The following AMN1 variants were observed in gnomAD, a reference collection of about 807,000 sequenced individuals.
AMN1 encodes the protein protein AMN1 homolog.
A neutral mutation model predicts 33.0 loss-of-function variants in AMN1; 20 were observed. The ratio of observed to expected loss-of-function variants is 0.61; its 90% confidence interval spans 0.43 to 0.88. The LOEUF (loss-of-function observed/expected upper bound fraction) is 0.88, where lower values mean the gene tolerates loss of function less well. Among genes scored for constraint, AMN1 ranks in the 40% least tolerant of loss-of-function variants. The probability of loss-of-function intolerance (pLI) is 0.00; values close to 1 mark genes in which losing one functional copy is unlikely to be tolerated. For missense variants in AMN1, 246 were observed against 307.4 expected, an observed-to-expected ratio of 0.80 and a Z score of 1.49; for synonymous variants, 114 against 111.9, an observed-to-expected ratio of 1.02 and a Z score of -0.12.
At chr12:31,701,730 T>G (rs1208710011) in intron 3 of AMN1, 133 bp downstream of exon 3, 1 of 793,076 alleles carries the variant, frequency 1.3e-6, no homozygotes, top group Non-Finnish European at 1.8e-6. Context: ...GTCTGAATGT[T>G]TTTACTGATA....
At chr12:31,702,087 G>A in intron 2 of AMN1, 80 bp from the exon 3 acceptor site, 2 of 1,268,150 alleles carry the variant, frequency 1.6e-6, no homozygotes, top group Non-Finnish European at 2.1e-6. Flanking sequence ...TGTTTTGGTG[G>A]TCATAACAGA....
chr12:31,680,349 C>T (rs950535784), intron 6 of AMN1, among the ~76,000 whole-genome samples: 1 of 151,690 alleles, frequency 6.6e-6, no homozygotes, highest in African/African-American at 2.4e-5. Flanking sequence ...TATAGGCACC[C>T]GTCACCACGC....
At chr12:31,676,913 T>C (rs891535535) in intron 6 of AMN1, among the ~76,000 whole-genome samples, 1 of 151,812 alleles carries the variant, frequency 6.6e-6, no homozygotes, top group Non-Finnish European at 1.5e-5. Context: ...TGGGTTTAAA[T>C]AAGAATATTC....
intron 1 of AMN1, among the ~76,000 whole-genome samples, chr12:31,716,552 T>C (rs1383663290): frequency 6.6e-6 from 1 of 152,212 alleles, no homozygotes; most frequent in Non-Finnish European, 1.5e-5. Flanking sequence ...AGTGGGTATA[T>C]AATAGCAATG....
chr12:31,718,590 GT>G (rs765161809), intron 1 of AMN1, among the ~76,000 whole-genome samples: 5 of 152,152 alleles, frequency 3.3e-5, no homozygotes, highest in African/African-American at 1.2e-4. Context: ...TATGGATGGG[GT>G]TTTGGTGTGG....
Position 31,689,074 on chromosome 12 carries a change from G to A in AMN1, c.636C>T (p.Val212=), listed in dbSNP as rs761585093. 6.2e-6 allele frequency: 10 copies of A among 1,613,336 alleles called. No homozygotes were observed. The highest frequency in any genetic ancestry group is 2.2e-5 in the East Asian group (1 of 44,860). Residue 212 remains valine (V), a synonymous_variant, in exon 6 of 7, where the codon GTC becomes GTT. Coordinates refer to ENST00000281471, the MANE Select transcript of AMN1 (RefSeq NM_001113402.2). ...GHCVNLTDGA[V]EAVLTYCPQI... ...GAGGACAGTAAGTAAGGACAGCTTCGACAGCCCCATCAGTCAGATTTACAC... is the reference window on the plus strand; with the variant it reads ...GAGGACAGTAAGTAAGGACAGCTTCAACAGCCCCATCAGTCAGATTTACAC...
chr12:31,701,287 C>T (rs1938988708), intron 3 of AMN1, among the ~76,000 whole-genome samples: 1 of 152,064 alleles, frequency 6.6e-6, no homozygotes, highest in Non-Finnish European at 1.5e-5. Context: ...GCATGAGCCA[C>T]CGCACCTGGC....
intron 1 of AMN1, among the ~76,000 whole-genome samples, chr12:31,718,467 T>C (rs1939763499): frequency 6.6e-6 from 1 of 151,912 alleles, no homozygotes; most frequent in Admixed American, 6.6e-5. Flanking sequence ...TGGCAAGGAG[T>C]TGTGTTCCTC....
intron 5 of AMN1, among the ~76,000 whole-genome samples, chr12:31,692,172 C>T (rs1221575429): frequency 6.6e-6 from 1 of 151,838 alleles, no homozygotes; most frequent in Non-Finnish European, 1.5e-5. Flanking sequence ...CCACTGCACC[C>T]AGCTGTAACA....
chr12:31,694,075 A>AT (rs1938614708), intron 5 of AMN1, among the ~76,000 whole-genome samples: 1 of 152,050 alleles, frequency 6.6e-6, no homozygotes, highest in Non-Finnish European at 1.5e-5. Flanking sequence ...AATGGAACAA[A>AT]TTAAAAGCAA....
At chr12:31,698,239 C>G (rs767503966) in intron 3 of AMN1, among the ~76,000 whole-genome samples, 1 of 152,208 alleles carries the variant, frequency 6.6e-6, no homozygotes, top group African/African-American at 2.4e-5. Context: ...AAAAGTCATT[C>G]AGAACCCAAT....
intron 6 of AMN1, among the ~76,000 whole-genome samples, chr12:31,685,810 AGAAAG>A (rs1565764647): frequency 1.4e-5 from 1 of 72,044 alleles, no homozygotes; most frequent in Non-Finnish European, 3.2e-5. Flanking sequence ...CAAAAAAAAA[AGAAAG>A]AAAGAAAGAA....
At position 31,672,267 on chromosome 12, in the gene AMN1, A is replaced by T. The variant is rs1202491496; in HGVS notation, c.*37T>A. The T allele has an allele frequency of 6.8e-7, 1 of 1,460,474 alleles. No homozygotes were observed. Among genetic ancestry groups the T allele is most frequent in the Non-Finnish European group, 9.4e-7 (1 of 1,063,482 alleles). The allele number at this position is 1,460,474 out of a possible 1,614,324, so 90.5% of individuals were successfully genotyped here. A position where few individuals can be genotyped will look rare whatever the true frequency, so the allele number is the denominator to read the frequency against. On this transcript the variant is annotated 3_prime_UTR_variant, in exon 7 of 7. Transcript: ENST00000281471. ...ATGGTTTCCTGGGAAAGTAGTTTTG[A>T]TAAGCTTTCCTAGCATTGATCATCT...
At chr12:31,716,408 T>C (rs1939679200) in intron 1 of AMN1, among the ~76,000 whole-genome samples, 1 of 152,182 alleles carries the variant, frequency 6.6e-6, no homozygotes, top group African/African-American at 2.4e-5. Context: ...AGGGTAGGCA[T>C]ATGTTTAGCT....
At chr12:31,705,993 T>C (rs1939218828) in intron 2 of AMN1, among the ~76,000 whole-genome samples, 1 of 152,146 alleles carries the variant, frequency 6.6e-6, no homozygotes, top group African/African-American at 2.4e-5. Flanking sequence ...TCCCTTGCAA[T>C]GTATTTTCAT....
At chr12:31,686,653 C>T (rs61298599) in intron 6 of AMN1, among the ~76,000 whole-genome samples, 2,267 of 152,168 alleles carry the variant, frequency 0.015, 68 homozygotes, top group East Asian at 0.098. Flanking sequence ...CAAAATTTTC[C>T]GACACAAAGC....
chr12:31,676,573 T>C (rs536767080), intron 6 of AMN1, among the ~76,000 whole-genome samples: 31 of 148,760 alleles, frequency 2.1e-4, no homozygotes, highest in Admixed American at 1.3e-3. Flanking sequence ...CTGCCCGCCT[T>C]GGCCTCCCAA....
At chr12:31,701,281 GA>G (rs1938988101) in intron 3 of AMN1, among the ~76,000 whole-genome samples, 1 of 152,036 alleles carries the variant, frequency 6.6e-6, no homozygotes, top group Non-Finnish European at 1.5e-5. Context: ...TTACAGGCAT[GA>G]GCCACCGCAC....
intron 3 of AMN1, among the ~76,000 whole-genome samples, chr12:31,698,716 C>T (rs1323581314): frequency 6.6e-6 from 1 of 151,910 alleles, no homozygotes; most frequent in Non-Finnish European, 1.5e-5. Context: ...GTCATTTTTA[C>T]TGTTTTCCAT....
Sources: gnomAD v4.1 joint callset for allele counts (sites outside exome capture counted in the v4.1 genomes callset) on GRCh38, gnomAD v4.1.1 for gene constraint, MANE v1.5 for transcripts, NCBI Gene and HGNC (gene_info 2026-07-23, HGNC 2026-07-21) for gene names.